The following OXR1 variants were observed in gnomAD, a reference collection of about 807,000 sequenced individuals.
OXR1 encodes oxidation resistance protein 1.
Under a neutral mutation model 104.6 loss-of-function variants are expected in OXR1, and 41 were observed. That is an observed-to-expected ratio of 0.39 (90% CI 0.31 to 0.51). OXR1 has a LOEUF of 0.51. OXR1 is among the 20% of genes least tolerant of loss of function. OXR1 has a pLI of 0.77. For synonymous variants in OXR1, 348 were observed against 348.4 expected (o/e 1.00, Z 0.01); for missense variants, 955 against 1,031.9 (o/e 0.93, Z 1.02).
rs1336661855 is a variant in OXR1, at chr8:106,706,441, A to G, written c.920A>G (p.Asn307Ser). The change falls in exon 9 of 17, where the codon AAC (asparagine) becomes AGC (serine). Residue 307 changes from asparagine (N) to serine (S), a missense_variant. Asn to Ser is a conservative substitution (Grantham distance 46). Transcript: ENST00000517566. ...FCHSKKMTGS[N>S]TEEIDSRIRD... ...CATTCAAAGAAAATGACAGGAAGTA[A>G]CACTGAGGAAATAGACTCAAGAATC... 1.3e-6 allele frequency: 2 copies of G among 1,599,802 alleles called. No individual in the cohort carries two copies. Among genetic ancestry groups the G allele is most frequent in the Non-Finnish European group, 1.7e-6 (2 of 1,176,064 alleles).
chr8:106,516,052 T>C (rs186513237), intron 2 of OXR1, among the ~76,000 whole-genome samples: 3 of 152,216 alleles, frequency 2.0e-5, no homozygotes, highest in Non-Finnish European at 2.9e-5. Context: ...CAGGACCATC[T>C]TGTTTAACTT....
At chr8:106,725,489 CTTCTT>C (rs955336093) in intron 11 of OXR1, among the ~76,000 whole-genome samples, 2 of 152,136 alleles carry the variant, frequency 1.3e-5, no homozygotes, top group African/African-American at 4.8e-5. Context: ...AAAAAATTCA[CTTCTT>C]TGCTTATATT....
intron 2 of OXR1, among the ~76,000 whole-genome samples, chr8:106,423,843 G>A (rs1819001086): frequency 6.6e-6 from 1 of 152,134 alleles, no homozygotes; most frequent in Non-Finnish European, 1.5e-5. Context: ...TATCACTTTA[G>A]CTAAAATATA....
chr8:106,585,999 C>G lies in OXR1; in HGVS notation c.220+66860C>G, dbSNP rs575382972. 1.2e-3 allele frequency among the ~76,000 whole-genome samples: 178 copies of G among 152,222 alleles called. 2 individuals are homozygous for G. The highest frequency in any genetic ancestry group is 4.0e-3 in the African/African-American group (166 of 41,528). Reference sequence around the variant, plus strand: ...TTTACTCCCAATTAGACTTTTTACTCTAATTCTGGGCTAGAGTTTTTACTC... The same window carrying G: ...TTTACTCCCAATTAGACTTTTTACTGTAATTCTGGGCTAGAGTTTTTACTC... On this transcript the variant is annotated intron_variant, in intron 3 of 16. Transcript: ENST00000517566.
intron 1 of OXR1, among the ~76,000 whole-genome samples, chr8:106,342,460 G>T (rs1333392774): frequency 6.6e-6 from 1 of 151,712 alleles, no homozygotes; most frequent in South Asian, 2.1e-4. Context: ...TCGCCATTTT[G>T]GCCAGGCTGG....
At chr8:106,334,917 A>C (rs746388074) in intron 1 of OXR1, among the ~76,000 whole-genome samples, 17 of 152,106 alleles carry the variant, frequency 1.1e-4, no homozygotes, top group Non-Finnish European at 2.1e-4. Context: ...ATTGACTTCA[A>C]TAACAGATGC....
At chr8:106,446,807 C>G (rs1820029126) in intron 2 of OXR1, among the ~76,000 whole-genome samples, 1 of 152,042 alleles carries the variant, frequency 6.6e-6, no homozygotes. Flanking sequence ...TGGTATGTGT[C>G]TGTACTCTCA....
At chr8:106,605,908 C>G (rs1263279266) in intron 3 of OXR1, among the ~76,000 whole-genome samples, 5 of 57,218 alleles carry the variant, frequency 8.7e-5, no homozygotes, top group Non-Finnish European at 1.6e-4. Context: ...CTCTAAGTCT[C>G]TATTTTTATT....
chr8:106,659,333 T>C (rs1227594316), intron 3 of OXR1, among the ~76,000 whole-genome samples: 5 of 152,218 alleles, frequency 3.3e-5, no homozygotes, highest in African/African-American at 1.2e-4. Context: ...ATTTAAGCTT[T>C]GAAGAAATAT....
At chr8:106,310,247 G>C (rs956179379) in intron 1 of OXR1, among the ~76,000 whole-genome samples, 5 of 115,734 alleles carry the variant, frequency 4.3e-5, no homozygotes, top group Non-Finnish European at 9.1e-5. Flanking sequence ...TTTTTTTTGT[G>C]AACTCTTTCC....
chr8:106,709,033 ATTTAATATT>A (rs1304557513), intron 9 of OXR1, among the ~76,000 whole-genome samples: 6 of 152,090 alleles, frequency 3.9e-5, no homozygotes, highest in African/African-American at 1.4e-4. Context: ...TCTATAAAAG[ATTTAATATT>A]TTTCTTCTGT....
In OXR1 at chr8:106,740,310, A is replaced by G. The variant is rs751472407; in HGVS notation, c.2164-33A>G. 8 of 1,579,022 alleles carry G rather than the reference A, an allele frequency of 5.1e-6. No individual in the cohort carries two copies. The Admixed American group carries it at 1.2e-4, about 25-fold the overall frequency. On this transcript the variant is annotated intron_variant, in intron 13 of 16. Coordinates refer to ENST00000517566, the MANE Select transcript of OXR1 (RefSeq NM_001198533.2). ...TATTCTACATAATGAACAACAAGCT[A>G]TCAAGTAAATACTAACACTTTGTTT...
At chr8:106,333,472 A>G (rs1814810473) in intron 1 of OXR1, among the ~76,000 whole-genome samples, 1 of 152,006 alleles carries the variant, frequency 6.6e-6, no homozygotes. Context: ...AACATGTACA[A>G]GTTTTTAGTT....
intron 2 of OXR1, among the ~76,000 whole-genome samples, chr8:106,448,861 T>A (rs554704975): frequency 1.9e-4 from 29 of 152,310 alleles, no homozygotes; most frequent in African/African-American, 7.0e-4. Flanking sequence ...TTTTCGTTAT[T>A]TCTGTCAGGT....
intron 2 of OXR1, among the ~76,000 whole-genome samples, chr8:106,450,334 T>A (rs960913803): frequency 4.6e-5 from 7 of 152,208 alleles, no homozygotes; most frequent in Non-Finnish European, 7.3e-5. Context: ...ATGTGGTGAA[T>A]CTTTTCATGT....
chr8:106,647,977 C>T (rs899902064), intron 3 of OXR1, among the ~76,000 whole-genome samples: 2 of 152,150 alleles, frequency 1.3e-5, no homozygotes, highest in Non-Finnish European at 2.9e-5. Context: ...GCAGATGTGT[C>T]GTGCTCATAT....
At chr8:106,474,920 C>G (rs930114975) in intron 2 of OXR1, among the ~76,000 whole-genome samples, 5 of 151,890 alleles carry the variant, frequency 3.3e-5, no homozygotes, top group African/African-American at 1.2e-4. Flanking sequence ...ATTCTGGAAC[C>G]CAAACTGTCT....
chr8:106,657,868 G>A, intron 3 of OXR1: 1 of 1,241,096 alleles, frequency 8.1e-7, no homozygotes, highest in Non-Finnish European at 1.0e-6. Flanking sequence ...CTTGTGAGGC[G>A]CGCGGAGCCG....
intron 3 of OXR1, among the ~76,000 whole-genome samples, chr8:106,551,084 T>C (rs564160541): frequency 1.8e-4 from 27 of 152,378 alleles, no homozygotes; most frequent in African/African-American, 6.3e-4. Flanking sequence ...GCATCCATTC[T>C]GTTATACCTT....
Sources: gnomAD v4.1 joint callset for allele counts (sites outside exome capture counted in the v4.1 genomes callset) on GRCh38, gnomAD v4.1.1 for gene constraint, MANE v1.5 for transcripts, NCBI Gene and HGNC (gene_info 2026-07-23, HGNC 2026-07-21) for gene names.